INTS6: variants seen among roughly 807,000 people sequenced by gnomAD.
INTS6 encodes the protein integrator complex subunit 6.
INTS6 carries 16 observed loss-of-function variants against 104.9 expected under a neutral mutation model. The ratio of observed to expected loss-of-function variants is 0.15; its 90% CI spans 0.10 to 0.23. The LOEUF (loss-of-function observed/expected upper bound fraction) is 0.23, where lower values mean the gene tolerates loss of function less well. Among genes scored for constraint, INTS6 ranks in the 10% least tolerant of loss-of-function variants. The pLI is 1.00. For missense variants in INTS6, 584 were observed against 1,062.8 expected, an observed-to-expected ratio of 0.55 and a Z score of 6.26; for synonymous variants, 324 against 358.7, an observed-to-expected ratio of 0.90 and a Z score of 1.09.
At chr13:51,422,957 GCTGT>G in intron 4 of INTS6, 1 of 745,960 alleles carries the variant, frequency 1.3e-6, no homozygotes. Context: ...CTTTCTTTAC[GCTGT>G]CTCAGAACCT....
chr13:51,415,232 T>C (rs1003257568), intron 4 of INTS6, among the ~76,000 whole-genome samples: 1 of 152,138 alleles, frequency 6.6e-6, no homozygotes, highest in African/African-American at 2.4e-5. Context: ...CACAGAAAAG[T>C]TGCAGTGATT....
intron 4 of INTS6, among the ~76,000 whole-genome samples, chr13:51,396,096 CTTA>C (rs1468329949): frequency 6.6e-6 from 1 of 152,000 alleles, no homozygotes; most frequent in Non-Finnish European, 1.5e-5. Context: ...CATGCCCGGT[CTTA>C]TTATTTTCTA....
intron 4 of INTS6, among the ~76,000 whole-genome samples, chr13:51,399,713 TGTGTGTGTGC>T (rs145549257): frequency 0.12 from 18,123 of 151,844 alleles, 1,308 homozygotes; most frequent in South Asian, 0.21. Context: ...TGTGGGTGTG[TGTGTGTGTGC>T]GTGTGTGTGC....
intron 6 of INTS6, among the ~76,000 whole-genome samples, chr13:51,388,452 G>T (rs1200105622): frequency 6.6e-6 from 1 of 151,544 alleles, no homozygotes; most frequent in African/African-American, 2.4e-5. Flanking sequence ...GGAGTGCAAT[G>T]GTGTGATCTC....
At chr13:51,384,956 G>T in intron 7 of INTS6, 1 of 246,298 alleles carries the variant, frequency 4.1e-6, no homozygotes, top group South Asian at 4.6e-5. Context: ...AATATAAATA[G>T]GATCATATAA....
At chr13:51,425,457 A>G (rs572267382) in intron 4 of INTS6, among the ~76,000 whole-genome samples, 22 of 152,238 alleles carry the variant, frequency 1.4e-4, no homozygotes, top group Admixed American at 1.4e-3. Context: ...TAGCCTCCAC[A>G]GCAATCATAA....
Position 51,364,293 on chromosome 13 carries a change from T to C in INTS6, c.*1459A>G. On this transcript the variant is annotated 3_prime_UTR_variant, in exon 18 of 18. Transcript: ENST00000311234. The stretch of plus-strand genomic sequence containing the variant: ...AATCCCCTAGACTAAATGCATGTTC[T>C]CCACTTTCATCAATGCTTTTCTTCA... 1 of 1,416,634 alleles carries C rather than the reference T, an allele frequency of 7.1e-7. No individual in the cohort carries two copies. The highest frequency in any genetic ancestry group is 1.3e-5 in the South Asian group (1 of 77,356). 87.8% of individuals were successfully genotyped at this position (1,416,634 alleles called of 1,614,324 possible).
At chr13:51,372,236 C>T (rs1593668064) in intron 15 of INTS6, among the ~76,000 whole-genome samples, 1 of 152,100 alleles carries the variant, frequency 6.6e-6, no homozygotes, top group African/African-American at 2.4e-5. Flanking sequence ...TGCCCCTTTA[C>T]TCCACAGAAA....
At chr13:51,432,576 C>G (rs1206381380) in intron 3 of INTS6, among the ~76,000 whole-genome samples, 1 of 152,156 alleles carries the variant, frequency 6.6e-6, no homozygotes, top group Non-Finnish European at 1.5e-5. Flanking sequence ...GCACAAAACA[C>G]TTCAACTTAT....
intron 4 of INTS6, chr13:51,402,653 A>T (rs1250207539): frequency 6.6e-6 from 1 of 152,220 alleles, no homozygotes; most frequent in Non-Finnish European, 1.5e-5. Context: ...CTTCGTAGCC[A>T]ACAGAAAAGG....
downstream of INTS6, among the ~76,000 whole-genome samples, chr13:51,353,476 C>T (rs183794136): frequency 5.9e-5 from 9 of 152,274 alleles, no homozygotes; most frequent in Non-Finnish European, 7.4e-5. Context: ...TAACTTCCCA[C>T]GGAGGTAAAG....
At chr13:51,419,904 A>T (rs1424834047) in intron 4 of INTS6, among the ~76,000 whole-genome samples, 1 of 152,240 alleles carries the variant, frequency 6.6e-6, no homozygotes. Flanking sequence ...AGCGATCAGC[A>T]AACTATAGCC....
chr13:51,433,349 G>GCC (rs1359278790), intron 3 of INTS6, among the ~76,000 whole-genome samples: 1 of 152,220 alleles, frequency 6.6e-6, no homozygotes, highest in Non-Finnish European at 1.5e-5. Context: ...TCGGGAGGCC[G>GCC]AAGCAGGAGA....
intron 3 of INTS6, chr13:51,437,968 C>T (rs1340494261): frequency 6.6e-6 from 1 of 152,166 alleles, no homozygotes; most frequent in Non-Finnish European, 1.5e-5. Flanking sequence ...AAGATCATGC[C>T]ACTGCCCTCT....
chr13:51,409,413 A>G (rs189890909), intron 4 of INTS6, among the ~76,000 whole-genome samples: 46 of 151,748 alleles, frequency 3.0e-4, no homozygotes, highest in African/African-American at 1.1e-3. Flanking sequence ...ACCAGCCAAT[A>G]TAACACTTAT....
rs558016864 is a variant in INTS6, at chr13:51,392,787, A to G, written c.613+2513T>C. 5.9e-5 allele frequency among the ~76,000 whole-genome samples: 9 copies of G among 152,184 alleles called. No homozygotes were observed. In the South Asian group the frequency reaches 1.9e-3, roughly 32 times the overall value. ...AAATATCATTTATTTATTTTCCATG[A>G]TTATTATCTGTCACTCAGTACAAAG... On this transcript the variant is annotated intron_variant, in intron 5 of 17. Transcript: ENST00000311234.
chr13:51,393,262 G>C (rs1956276740), intron 5 of INTS6, among the ~76,000 whole-genome samples: 1 of 152,078 alleles, frequency 6.6e-6, no homozygotes, highest in Admixed American at 6.6e-5. Context: ...ATTTTTAGTA[G>C]AGACGGGGTT....
At chr13:51,422,747 C>T (rs1407538308) in intron 4 of INTS6, among the ~76,000 whole-genome samples, 1 of 152,140 alleles carries the variant, frequency 6.6e-6, no homozygotes, top group Non-Finnish European at 1.5e-5. Context: ...AGAATGAAGT[C>T]CTGTCTCCTT....
At chr13:51,398,326 A>C (rs1283805245) in intron 4 of INTS6, among the ~76,000 whole-genome samples, 2 of 152,164 alleles carry the variant, frequency 1.3e-5, no homozygotes, top group African/African-American at 4.8e-5. Flanking sequence ...ATTGCACATA[A>C]ATGAAGAAAA....
Sources: gnomAD v4.1 joint callset for allele counts (sites outside exome capture counted in the v4.1 genomes callset) on GRCh38, gnomAD v4.1.1 for gene constraint, MANE v1.5 for transcripts, NCBI Gene and HGNC (gene_info 2026-07-23, HGNC 2026-07-21) for gene names.